Variants in RNF228 observed in about 807,000 individuals in gnomAD.
The protein encoded by RNF228 is ring finger protein 228.
the RNF228 span, among the ~76,000 whole-genome samples, chr2:222,315,779 T>C: frequency 1.3e-5 from 2 of 152,242 alleles, no homozygotes; most frequent in African/African-American, 4.8e-5. Context: ...ATGTGCCTGT[T>C]GTTCACTAAA....
chr2:222,315,670 A>G, the RNF228 span, among the ~76,000 whole-genome samples: 8 of 152,154 alleles, frequency 5.3e-5, no homozygotes, highest in African/African-American at 1.9e-4. Flanking sequence ...AAGGAGGTTA[A>G]ATGATTTTTA....
At chr2:222,319,363 AGCCAGCGGTG>A in the RNF228 span, 1 of 351,740 alleles carries the variant, frequency 2.8e-6, no homozygotes, top group Admixed American at 4.7e-5. The surrounding 1 kb of genome is among the most constrained non-coding windows in gnomAD (Gnocchi z 7.6). Context: ...ACGCACACGC[AGCCAGCGGTG>A]AGCGCCGCGC....
the RNF228 span, among the ~76,000 whole-genome samples, chr2:222,319,600 G>C: frequency 6.8e-6 from 1 of 146,384 alleles, no homozygotes; most frequent in African/African-American, 2.4e-5. The surrounding 1 kb of genome is among the most constrained non-coding windows in gnomAD (Gnocchi z 7.6). Flanking sequence ...AGCGGGTCGT[G>C]CGCTGCGCGC....
chr2:222,316,649 T>A, the RNF228 span, among the ~76,000 whole-genome samples: 1 of 152,340 alleles, frequency 6.6e-6, no homozygotes, highest in South Asian at 2.1e-4. Context: ...TGTACACATG[T>A]ACAATGGTTA....
the RNF228 span, among the ~76,000 whole-genome samples, chr2:222,319,622 G>A: frequency 1.4e-5 from 2 of 146,532 alleles, no homozygotes; most frequent in African/African-American, 4.9e-5. The surrounding 1 kb of genome is among the most constrained non-coding windows in gnomAD (Gnocchi z 7.6). Flanking sequence ...AAGCCAGCGG[G>A]AAGGCCTCGG....
the RNF228 span, among the ~76,000 whole-genome samples, chr2:222,314,327 C>T: frequency 1.3e-5 from 2 of 152,282 alleles, no homozygotes; most frequent in East Asian, 3.9e-4. Flanking sequence ...TATGGAAAAT[C>T]AAAAGAGATC....
the RNF228 span, among the ~76,000 whole-genome samples, chr2:222,320,120 C>A: frequency 7.0e-4 from 107 of 152,158 alleles, no homozygotes; most frequent in African/African-American, 2.4e-3. Context: ...CCCCCTGCAC[C>A]GCCGCCTGGG....
the RNF228 span, among the ~76,000 whole-genome samples, chr2:222,316,168 G>C: frequency 1.3e-5 from 2 of 152,196 alleles, no homozygotes; most frequent in Non-Finnish European, 2.9e-5. Flanking sequence ...GTGTTTCCAC[G>C]TAAATATAAA....
the RNF228 span, chr2:222,319,116 G>A: frequency 2.7e-5 from 6 of 218,572 alleles, no homozygotes; most frequent in Admixed American, 5.9e-5. This position sits in a 1 kb window ranked among gnomAD's most constrained non-coding sequence, Gnocchi z 7.6. Flanking sequence ...GCCCGCGGCC[G>A]CACCCTCGGG....
At chr2:222,317,592 C>T in the RNF228 span, 586 of 152,256 alleles carry the variant, frequency 3.8e-3, 2 homozygotes, top group African/African-American at 0.013. Flanking sequence ...AGGCATCTAA[C>T]CCACTTGCAA....
At chr2:222,318,562 C>T in the RNF228 span, 1 of 152,204 alleles carries the variant, frequency 6.6e-6, no homozygotes, top group South Asian at 2.1e-4. Context: ...CACAGATGCA[C>T]GTGTGCACGC....
chr2:222,318,358 C>T, the RNF228 span: 1 of 152,284 alleles, frequency 6.6e-6, no homozygotes, highest in Non-Finnish European at 1.5e-5. Context: ...GCGCGCCGTG[C>T]ACCTGCCCCA....
At chr2:222,315,646 G>A in the RNF228 span, among the ~76,000 whole-genome samples, 4 of 152,158 alleles carry the variant, frequency 2.6e-5, no homozygotes, top group Admixed American at 2.0e-4. Context: ...TATAGATGGG[G>A]AGCCTGAGAC....
At chr2:222,317,339 T>C in the RNF228 span, 3 of 152,212 alleles carry the variant, frequency 2.0e-5, no homozygotes, top group South Asian at 2.1e-4. Flanking sequence ...CACTTATCAA[T>C]GGCCAATAAA....
chr2:222,319,352 C>A, the RNF228 span: 3 of 353,636 alleles, frequency 8.5e-6, no homozygotes, highest in East Asian at 4.0e-5. The surrounding 1 kb of genome is among the most constrained non-coding windows in gnomAD (Gnocchi z 7.6). Flanking sequence ...AGGAGAAGAC[C>A]ACGCACACGC....
chr2:222,316,998 G>A, the RNF228 span, among the ~76,000 whole-genome samples: 11 of 152,338 alleles, frequency 7.2e-5, no homozygotes, highest in Admixed American at 7.2e-4. Context: ...TAGTAAATAT[G>A]TAAGTTACTT....
At chr2:222,316,682 C>G in the RNF228 span, among the ~76,000 whole-genome samples, 3 of 152,148 alleles carry the variant, frequency 2.0e-5, no homozygotes, top group African/African-American at 7.2e-5. Context: ...CAAGTTGTTA[C>G]CAGTATGCAT....
At chr2:222,316,056 A>G in the RNF228 span, among the ~76,000 whole-genome samples, 7 of 145,238 alleles carry the variant, frequency 4.8e-5, no homozygotes, top group Admixed American at 1.3e-4. Flanking sequence ...ATGGGAAGGG[A>G]AAAAAAAATA....
chr2:222,316,934 T>C, the RNF228 span, among the ~76,000 whole-genome samples: 1 of 152,184 alleles, frequency 6.6e-6, no homozygotes, highest in Non-Finnish European at 1.5e-5. Flanking sequence ...AAACATTTCA[T>C]AGAAGGCAAG....
Sources: gnomAD v4.1 joint callset for allele counts (sites outside exome capture counted in the v4.1 genomes callset) on GRCh38, gnomAD v4.1.1 for gene constraint, Gnocchi (gnomAD v3.1) non-coding constraint, MANE v1.5 for transcripts, NCBI Gene and HGNC (gene_info 2026-07-23, HGNC 2026-07-21) for gene names.